ADARB2: variants seen among roughly 807,000 people sequenced by gnomAD.
ADARB2 encodes inactive double-stranded RNA-specific editase B2.
ADARB2 carries 25 observed loss-of-function variants against 62.2 expected under a neutral mutation model. That is an observed-to-expected ratio of 0.40 (90% CI 0.29 to 0.56). The LOEUF is 0.56. Ranked by LOEUF, ADARB2 falls within the 20% of genes least tolerant of loss-of-function variation. The probability of loss-of-function intolerance (pLI) is 0.43; values close to 1 mark genes in which losing one functional copy is unlikely to be tolerated. For synonymous variants in ADARB2, 572 were observed against 500.8 expected, an observed-to-expected ratio of 1.14 and a Z score of -1.90; for missense variants, 1,071 against 1,077.4, an observed-to-expected ratio of 0.99 and a Z score of 0.08.
intron 1 of ADARB2, among the ~76,000 whole-genome samples, chr10:1,391,682 T>A (rs141440820): frequency 6.6e-6 from 1 of 152,172 alleles, no homozygotes; most frequent in Admixed American, 6.5e-5. Context: ...ATCTGGAAAC[T>A]TATTCATGTG....
In ADARB2 at chr10:1,363,481, G is replaced by T; in HGVS notation, c.624C>A (p.Pro208=). The change falls in exon 3 of 10, where the codon CCC becomes CCA. Residue 208 remains proline (P), a synonymous_variant. Transcript: ENST00000381312. ...CCTGGTCGGAGGTGAAGTCCGTGCCGGGGCCCGGGCCCCCGCCCATGGCCA... is the reference window on the plus strand; with the variant it reads ...CCTGGTCGGAGGTGAAGTCCGTGCCTGGGCCCGGGCCCCCGCCCATGGCCA... ...AHLAMGGGPG[P]GTDFTSDQAD... 1.3e-6 allele frequency: 2 copies of T among 1,494,808 alleles called. No homozygotes were observed. Among genetic ancestry groups the T allele is most frequent in the East Asian group, 2.6e-5 (1 of 38,310 alleles). 92.6% of individuals were successfully genotyped at this position (1,494,808 alleles called of 1,614,324 possible). A position where few individuals can be genotyped will look rare whatever the true frequency, so the allele number is the denominator to read the frequency against.
intron 1 of ADARB2, among the ~76,000 whole-genome samples, chr10:1,486,017 G>C (rs1355954284): frequency 1.3e-5 from 2 of 152,196 alleles, no homozygotes; most frequent in Non-Finnish European, 2.9e-5. Flanking sequence ...CAGAAGCTCT[G>C]AGGTGCTGTA....
intron 1 of ADARB2, among the ~76,000 whole-genome samples, chr10:1,702,660 A>T (rs986041408): frequency 6.6e-6 from 1 of 152,136 alleles, no homozygotes; most frequent in Non-Finnish European, 1.5e-5. Flanking sequence ...GCACTGTAAG[A>T]CCTTCTGCCC....
At chr10:1,368,576 AGAG>A (rs1366934168) in intron 2 of ADARB2, among the ~76,000 whole-genome samples, 1 of 151,882 alleles carries the variant, frequency 6.6e-6, no homozygotes, top group Non-Finnish European at 1.5e-5. Flanking sequence ...TCCCTCCTTG[AGAG>A]GAGTTTTTGA....
chr10:1,485,786 G>A (rs148921403), intron 1 of ADARB2, among the ~76,000 whole-genome samples: 46 of 152,312 alleles, frequency 3.0e-4, no homozygotes, highest in Non-Finnish European at 2.2e-4. Context: ...TCATTCCTCT[G>A]TCTCACCCAC....
chr10:1,271,158 C>T, intron 3 of ADARB2, 89 bp from the exon 4 acceptor site: 1 of 1,079,084 alleles, frequency 9.3e-7, no homozygotes, highest in Admixed American at 2.0e-5. Context: ...CTCACAGCCT[C>T]ATCCCCATGT....
At chr10:1,369,239 G>A (rs1483530898) in intron 2 of ADARB2, among the ~76,000 whole-genome samples, 1 of 152,122 alleles carries the variant, frequency 6.6e-6, no homozygotes, top group African/African-American at 2.4e-5. Context: ...AAAACCTAGA[G>A]ATAAAACATC....
intron 1 of ADARB2, among the ~76,000 whole-genome samples, chr10:1,564,032 G>A (rs1253370640): frequency 6.6e-6 from 1 of 150,910 alleles, no homozygotes; most frequent in African/African-American, 2.4e-5. Context: ...GTCTATCATT[G>A]TTGGACATTT....
At chr10:1,203,389 C>T (rs1309749135) in intron 7 of ADARB2, among the ~76,000 whole-genome samples, 1 of 152,212 alleles carries the variant, frequency 6.6e-6, no homozygotes, top group Non-Finnish European at 1.5e-5. Flanking sequence ...GGTGCGCCGG[C>T]ATCAGGCAGG....
At chr10:1,465,572 C>A (rs1588268392) in intron 1 of ADARB2, among the ~76,000 whole-genome samples, 2 of 152,368 alleles carry the variant, frequency 1.3e-5, no homozygotes. Context: ...TCAAGCAAAG[C>A]TGCCTCTGGC....
intron 1 of ADARB2, among the ~76,000 whole-genome samples, chr10:1,486,578 AAT>A (rs1831544994): frequency 6.6e-6 from 1 of 152,182 alleles, no homozygotes; most frequent in Non-Finnish European, 1.5e-5. Flanking sequence ...CTTTCATACA[AAT>A]ATATTCTACT....
Position 1,501,108 on chromosome 10 carries a change from C to T in ADARB2, c.101-121948G>A, listed in dbSNP as rs201196024. The stretch of plus-strand genomic sequence containing the variant: ...CAGGCTGGTCTTGAACTTCTGACCT[C>T]GTGATCTGCCTGCCTCAGCCTCCCA... On this transcript the variant is annotated intron_variant, in intron 1 of 9. Coordinates refer to ENST00000381312, the MANE Select transcript of ADARB2 (RefSeq NM_018702.4). Among the ~76,000 whole-genome samples, 7 of 152,132 alleles carry T rather than the reference C, an allele frequency of 4.6e-5. No individual in the cohort carries two copies. The East Asian group carries it at 7.7e-4, about 17-fold the overall frequency.
At chr10:1,316,440 C>T (rs1454066541) in intron 3 of ADARB2, among the ~76,000 whole-genome samples, 1 of 152,248 alleles carries the variant, frequency 6.6e-6, no homozygotes, top group Non-Finnish European at 1.5e-5. Context: ...GTGCAAGGTG[C>T]TGATGGCAGT....
At chr10:1,557,758 A>G (rs930472312) in intron 1 of ADARB2, among the ~76,000 whole-genome samples, 1 of 152,040 alleles carries the variant, frequency 6.6e-6, no homozygotes, top group Non-Finnish European at 1.5e-5. Flanking sequence ...TACACACACA[A>G]AAAATTAGCT....
intron 3 of ADARB2, chr10:1,290,396 C>T (rs768132057): frequency 5.3e-5 from 8 of 152,318 alleles, no homozygotes; most frequent in Non-Finnish European, 1.0e-4. Flanking sequence ...ACATTGAAGC[C>T]AGATGCTGGG....
At chr10:1,428,719 A>T (rs912588276) in intron 1 of ADARB2, among the ~76,000 whole-genome samples, 1 of 152,078 alleles carries the variant, frequency 6.6e-6, no homozygotes, top group Non-Finnish European at 1.5e-5. Context: ...AAGGGACAAC[A>T]TGGGGACCTT....
intron 1 of ADARB2, among the ~76,000 whole-genome samples, chr10:1,566,103 AAAAAAAAC>A (rs1564332556): frequency 8.5e-5 from 11 of 129,636 alleles, no homozygotes; most frequent in Non-Finnish European, 1.3e-4. Context: ...AAAAAAAAAA[AAAAAAAAC>A]TCCCCTGTGT....
At chr10:1,672,212 G>A (rs1374712750) in intron 1 of ADARB2, among the ~76,000 whole-genome samples, 1 of 152,088 alleles carries the variant, frequency 6.6e-6, no homozygotes, top group East Asian at 1.9e-4. Flanking sequence ...CACTGCCAAC[G>A]CCCCGTCTTT....
At chr10:1,724,783 G>T (rs1481898099) in intron 1 of ADARB2, among the ~76,000 whole-genome samples, 2 of 152,222 alleles carry the variant, frequency 1.3e-5, no homozygotes, top group African/African-American at 4.8e-5. Flanking sequence ...ATGTAACCTA[G>T]GGTGGGGGCC....
Sources: gnomAD v4.1 joint callset for allele counts (sites outside exome capture counted in the v4.1 genomes callset) on GRCh38, gnomAD v4.1.1 for gene constraint, MANE v1.5 for transcripts, NCBI Gene and HGNC (gene_info 2026-07-23, HGNC 2026-07-21) for gene names.